Variants in ZNF318 observed in about 807,000 individuals in gnomAD.
ZNF318 encodes zinc finger protein 318, also known as endocrine regulator.
In ZNF318, 51 loss-of-function variants were observed where a neutral mutation model predicts 124.2. The ratio of observed to expected loss-of-function variants is 0.41; its 90% CI spans 0.33 to 0.52. ZNF318 has a LOEUF of 0.52. Among genes scored for constraint, ZNF318 ranks in the 20% least tolerant of loss-of-function variants. The pLI is 0.23. For missense variants in ZNF318, 2,815 were observed against 2,811.2 expected, an observed-to-expected ratio of 1.00 and a Z score of -0.03; for synonymous variants, 1,090 against 1,040.7, an observed-to-expected ratio of 1.05 and a Z score of -0.91.
Position 43,357,299 on chromosome 6 carries a change from G to A in ZNF318, c.1015C>T (p.Leu339=), listed in dbSNP as rs574010366. ...GTACCACCACCATCAACTCCAACCA[G>A]CTCCTGACTCAAGCTCCTACTTCGC... The part of the protein sequence containing the change: ...EERSRSLSQE[L]VGVDGGGTGC... Residue 339 remains leucine, a synonymous_variant, in exon 3 of 10, where the codon CTG becomes TTG. Transcript: ENST00000361428. 3.1e-6 allele frequency: 5 copies of A among 1,613,992 alleles called. No individual in the cohort carries two copies. The highest frequency in any genetic ancestry group is 3.3e-5 in the Admixed American group (2 of 59,998).
chr6:43,352,596 C>G (rs909444604), intron 4 of ZNF318, 120 bp from the exon 5 acceptor site: 1 of 831,130 alleles, frequency 1.2e-6, no homozygotes, highest in Non-Finnish European at 1.9e-6. Flanking sequence ...TGCCTGCACA[C>G]AGGCTCTGAC....
chr6:43,345,836 G>T (rs1368921502), intron 6 of ZNF318, among the ~76,000 whole-genome samples: 1 of 152,148 alleles, frequency 6.6e-6, no homozygotes, highest in African/African-American at 2.4e-5. Flanking sequence ...GCCAGGTGGG[G>T]TGGCTCACAT....
rs1198740648 is a variant in ZNF318 at position 43,354,728 on chromosome 6, G to A, written c.2606C>T (p.Ser869Leu). ...AQVPVQVSIP[S>L]LIRYNPEKIS... Reference sequence around the variant, plus strand: ...CTTCTCTGGATTATATCTTATGAGTGATGGAATGGACACCTGGACAGGCAC... The same window carrying A: ...CTTCTCTGGATTATATCTTATGAGTAATGGAATGGACACCTGGACAGGCAC... The change falls in exon 4 of 10, where the codon TCA (serine) becomes TTA (leucine). Residue 869 changes from serine (S) to leucine (L), a missense_variant. Ser to Leu is a moderately radical substitution (Grantham distance 145). Coordinates refer to ENST00000361428, the MANE Select transcript of ZNF318 (RefSeq NM_014345.3). 6.2e-7 allele frequency: 1 copy of A among 1,614,062 alleles called. No homozygotes were observed. The highest frequency in any genetic ancestry group is 2.2e-5 in the East Asian group (1 of 44,886).
In ZNF318 at chr6:43,337,553, C is replaced by CT; in HGVS notation, c.6444dup (p.Glu2149ArgfsTer11). ...GTTTTTAATTCCAATCCGAGTGACT[C>CT]TTGTTTGTCTAATTGGGAAGATTCT... On this transcript the variant is annotated frameshift_variant, in exon 10 of 10. Transcript: ENST00000361428. LOFTEE classifies it low-confidence loss of function (END_TRUNC). The CT allele has an allele frequency of 6.2e-7, 1 of 1,614,106 alleles. No individual in the cohort carries two copies. The highest frequency in any genetic ancestry group is 1.1e-5 in the South Asian group (1 of 91,080).
intron 5 of ZNF318, among the ~76,000 whole-genome samples, chr6:43,350,079 G>A (rs1027018261): frequency 6.8e-4 from 103 of 152,170 alleles, no homozygotes; most frequent in African/African-American, 2.4e-3. Context: ...GTGAAACCCC[G>A]TCTCTACTAA....
chr6:43,337,338 C>A lies in ZNF318; in HGVS notation c.6660G>T (p.Val2220=). 2 of 1,614,136 alleles carry A rather than the reference C, an allele frequency of 1.2e-6. No individual in the cohort carries two copies. The highest frequency in any genetic ancestry group is 1.6e-4 in the Middle Eastern group (1 of 6,062). The change falls in exon 10 of 10, where the codon GTG becomes GTT. Residue 2220 remains valine (V), a synonymous_variant. Coordinates refer to ENST00000361428, the MANE Select transcript of ZNF318 (RefSeq NM_014345.3). ...TGTCATCATCTACTTGCAGAATTGCCACCTCTGTGGTGGATGCATTCGATA... is the reference window on the plus strand; with the variant it reads ...TGTCATCATCTACTTGCAGAATTGCAACCTCTGTGGTGGATGCATTCGATA... ...LEISNASTTE[V]AILQVDDDSG... is the part of the protein sequence containing the mutation.
intron 6 of ZNF318, among the ~76,000 whole-genome samples, chr6:43,345,567 A>C (rs1779428424): frequency 6.6e-6 from 1 of 152,244 alleles, no homozygotes; most frequent in Non-Finnish European, 1.5e-5. Context: ...AGTCAATTAC[A>C]AAGGACCAGA....
chr6:43,341,746 T>G (rs373964276), intron 8 of ZNF318, among the ~76,000 whole-genome samples: 2 of 152,184 alleles, frequency 1.3e-5, no homozygotes, highest in Admixed American at 1.3e-4. Flanking sequence ...ACTCAAAATA[T>G]TGTATAGTTC....
chr6:43,346,427 G>A (rs1779445561), intron 6 of ZNF318, among the ~76,000 whole-genome samples: 1 of 150,706 alleles, frequency 6.6e-6, no homozygotes, highest in African/African-American at 2.4e-5. Flanking sequence ...GTTGCAATGA[G>A]CCGAGATTGC....
chr6:43,352,518 ATTCTCTT>A, intron 4 of ZNF318, 42 bp from the exon 5 acceptor site: 2 of 1,551,600 alleles, frequency 1.3e-6, no homozygotes, highest in Non-Finnish European at 1.8e-6. Flanking sequence ...CTCCTCCAAC[ATTCTCTT>A]TTCTATTTCT....
rs1779387934 is a variant in ZNF318, at chr6:43,342,732, T to C, written c.3220A>G (p.Ile1074Val). 2.5e-6 allele frequency: 4 copies of C among 1,614,224 alleles called. No individual in the cohort carries two copies. The highest frequency in any genetic ancestry group is 2.5e-6 in the Non-Finnish European group (3 of 1,180,046). ...AAGAAATCAAACATGGTCCCACAGA[T>C]GGTGTTGCAGTCTTTGCACCAGTGA... ...GNHWCKDCNT[I>V]CGTMFDFFTH... The change falls in exon 7 of 10, where the codon ATC becomes GTC. Residue 1074 changes from isoleucine (I) to valine (V), a missense_variant. By Grantham distance (29) the Ile-to-Val change is conservative (BLOSUM62 3). This residue lies in a region of ZNF318 where 500 missense variants were observed against 605.2 expected (regional missense o/e 0.83). Coordinates refer to ENST00000361428, the MANE Select transcript of ZNF318 (RefSeq NM_014345.3).
chr6:43,342,981 G>A lies in ZNF318; in HGVS notation c.3073-102C>T, dbSNP rs1055868215. 7 of 888,984 alleles carry A rather than the reference G, an allele frequency of 7.9e-6. No homozygotes were observed. In the South Asian group the frequency reaches 1.0e-4, roughly 13 times the overall value. The allele number at this position is 888,984 out of a possible 1,614,324, so 55.1% of individuals were successfully genotyped here. A position where few individuals can be genotyped will look rare whatever the true frequency, so the allele number is the denominator to read the frequency against. ...CATAATAATAGAAATAGGGCCATAT[G>A]ACCATATTTCCAATGTTTAAAGCTG... On this transcript the variant is annotated intron_variant, in intron 6 of 9. Transcript: ENST00000361428.
At position 43,369,548 on chromosome 6, in the gene ZNF318, G is replaced by A; in HGVS notation, c.-183C>T. 4.1e-6 allele frequency: 1 copy of A among 242,960 alleles called. No individual in the cohort carries two copies. Among genetic ancestry groups the A allele is most frequent in the Non-Finnish European group, 6.6e-6 (1 of 151,554 alleles). 15.1% of individuals were successfully genotyped at this position (242,960 alleles called of 1,614,324 possible). A position where few individuals can be genotyped will look rare whatever the true frequency, so the allele number is the denominator to read the frequency against. ...CGGGGGCCCGGCCGAGCGCGCCCCC[G>A]CGGCTGGCGGTTGGAGGGCGCGAGC... is the stretch of plus-strand genomic sequence containing the variant. On this transcript the variant is annotated 5_prime_UTR_variant, in exon 1 of 10. Coordinates refer to ENST00000361428, the MANE Select transcript of ZNF318 (RefSeq NM_014345.3).
At position 43,337,819 on chromosome 6, in the gene ZNF318, G is replaced by A. The variant is rs762070396; in HGVS notation, c.6179C>T (p.Ala2060Val). 1.9e-6 allele frequency: 3 copies of A among 1,614,086 alleles called. No homozygotes were observed. The highest frequency in any genetic ancestry group is 2.5e-6 in the Non-Finnish European group (3 of 1,180,042). Residue 2060 changes from alanine (A) to valine (V), a missense_variant, in exon 10 of 10, where the codon GCT (alanine) becomes GTT (valine). Ala to Val is a moderately conservative substitution (Grantham distance 64). Around this residue, in one of 4 missense-constraint regions of ZNF318, gnomAD observed 927 missense variants for 820.6 expected, o/e 1.13. Transcript: ENST00000361428. ...SPIGCNSSDP[A>V]DFEPIPSFSG... is the part of the protein sequence containing the mutation. ...AAAAGATGGGATTGGTTCGAAGTCAGCGGGATCGGAGGAATTACACCCTAT... is the reference window on the plus strand; with the variant it reads ...AAAAGATGGGATTGGTTCGAAGTCAACGGGATCGGAGGAATTACACCCTAT...
Position 43,369,054 on chromosome 6 carries a change from G to A in ZNF318, c.312C>T (p.Ala104=), listed in dbSNP as rs1451579425. The change falls in exon 1 of 10, where the codon GCC becomes GCT. Residue 104 remains alanine, a synonymous_variant. Transcript: ENST00000361428. ...RGRRLFPPGP[A]GFRGSSRGES... is the part of the protein sequence containing the mutation. The stretch of plus-strand genomic sequence containing the variant: ...CCCCCCGGCTGCTGCCTCTGAAGCC[G>A]GCCGGGCCCGGCGGGAAGAGTCGTC... 1 of 1,358,650 alleles carries A rather than the reference G, an allele frequency of 7.4e-7. No individual in the cohort carries two copies. Among genetic ancestry groups the A allele is most frequent in the Non-Finnish European group, 9.5e-7 (1 of 1,052,148 alleles). The allele number at this position is 1,358,650 out of a possible 1,614,324, so 84.2% of individuals were successfully genotyped here.
chr6:43,340,829 C>T lies in ZNF318; in HGVS notation c.3456G>A (p.Glu1152=). 8.7e-6 allele frequency: 14 copies of T among 1,614,082 alleles called. No individual in the cohort carries two copies. The highest frequency in any genetic ancestry group is 1.2e-5 in the Non-Finnish European group (14 of 1,179,970). Residue 1152 remains glutamate (E), a synonymous_variant, in exon 9 of 10, where the codon GAG becomes GAA. Coordinates refer to ENST00000361428, the MANE Select transcript of ZNF318 (RefSeq NM_014345.3). The part of the protein sequence containing the change: ...EEFLGDPISG[E]QHVKGHQHNE... Reference sequence around the variant, plus strand: ...TGTGTTGGTGACCCTTCACATGTTGCTCCCCAGAAATTGGATCCCCCAAAA... The same window carrying T: ...TGTGTTGGTGACCCTTCACATGTTGTTCCCCAGAAATTGGATCCCCCAAAA...
In ZNF318 at chr6:43,339,300, C is replaced by T. The variant is rs1353359122; in HGVS notation, c.4698G>A (p.Lys1566=). 8 of 1,614,194 alleles carry T rather than the reference C, an allele frequency of 5.0e-6. No individual in the cohort carries two copies. The highest frequency in any genetic ancestry group is 6.8e-6 in the Non-Finnish European group (8 of 1,180,038). The change falls in exon 10 of 10, where the codon AAG becomes AAA. Residue 1566 remains lysine, a synonymous_variant. Coordinates refer to ENST00000361428, the MANE Select transcript of ZNF318 (RefSeq NM_014345.3). This position sits in a 1 kb window ranked among gnomAD's most constrained non-coding sequence, Gnocchi z 4.2. ...TACTATAGAATATGTCATACAGGTC[C>T]TTAGCATTGGCTGTGGCTAAGCATG... ...RNSCLATANA[K]DLYDIFYSSG...
In ZNF318 at chr6:43,369,467, G is replaced by T; in HGVS notation, c.-102C>A. 14 of 969,318 alleles carry T rather than the reference G, an allele frequency of 1.4e-5. No individual in the cohort carries two copies. The highest frequency in any genetic ancestry group is 1.8e-5 in the Non-Finnish European group (14 of 784,040). 60.0% of individuals were successfully genotyped at this position (969,318 alleles called of 1,614,324 possible). ...AGCTGCAGCCGCCGCCACCTCGGCC[G>T]CTGCGCGCCGCCTCAGCCGCGGGAG... is the stretch of plus-strand genomic sequence containing the variant. On this transcript the variant is annotated 5_prime_UTR_variant, in exon 1 of 10. Transcript: ENST00000361428.
rs1160916245 is a variant in ZNF318, at chr6:43,339,193, C to T, written c.4805G>A (p.Ser1602Asn). 6.2e-7 allele frequency: 1 copy of T among 1,614,080 alleles called. No homozygotes were observed. Among genetic ancestry groups the T allele is most frequent in the African/African-American group, 1.3e-5 (1 of 74,926 alleles). ...TGAACTTTTGGTTCTAGAGAGGTTG[C>T]TATTTTCCCCATTGGCCAATGGACC... Reference protein sequence around the residue: ...SGGPLANGENSNLSRTKSSDT... With the variant: ...SGGPLANGENNNLSRTKSSDT... The change falls in exon 10 of 10, where the codon AGC becomes AAC. Residue 1602 changes from serine to asparagine, a missense_variant. Physicochemically the swap from Ser to Asn is conservative, Grantham distance 46 (BLOSUM62 1). Transcript: ENST00000361428. This position sits in a 1 kb window ranked among gnomAD's most constrained non-coding sequence, Gnocchi z 4.2.
Sources: allele counts gnomAD v4.1 joint callset (sites outside exome capture counted in the v4.1 genomes callset), GRCh38; gene constraint gnomAD v4.1.1; regional missense constraint gnomAD v4.1.1; non-coding constraint Gnocchi (gnomAD v3.1); transcripts MANE v1.5; gene names NCBI Gene and HGNC (gene_info 2026-07-23, HGNC 2026-07-21).